Variants in FRK observed in about 807,000 individuals in gnomAD.
FRK encodes tyrosine-protein kinase FRK.
In FRK, 51 loss-of-function variants were observed where a neutral mutation model predicts 56.4. The observed-to-expected ratio is 0.90, with a 90% confidence interval of 0.72 to 1.14. The LOEUF (loss-of-function observed/expected upper bound fraction) is 1.14. FRK is among the 50% of genes most tolerant of loss of function. The pLI is 0.00. For synonymous variants in FRK, 245 were observed against 217.9 expected (o/e 1.12, Z -1.10); for missense variants, 570 against 601.4 (o/e 0.95, Z 0.55).
chr6:115,972,526 T>G (rs1328362955), intron 2 of FRK, among the ~76,000 whole-genome samples: 3 of 152,168 alleles, frequency 2.0e-5, no homozygotes, highest in Admixed American at 6.5e-5. Flanking sequence ...AACAGCTTTC[T>G]TCAAAAGCAA....
intron 1 of FRK, among the ~76,000 whole-genome samples, chr6:116,028,331 T>G (rs1312350808): frequency 4.6e-5 from 7 of 152,210 alleles, no homozygotes; most frequent in Admixed American, 4.6e-4. Flanking sequence ...AGTCTTTTGA[T>G]TATTTAAAAA....
the FRK span, among the ~76,000 whole-genome samples, chr6:116,074,120 A>G: frequency 2.0e-5 from 3 of 152,264 alleles, no homozygotes; most frequent in African/African-American, 7.2e-5. Context: ...CTTCAAATCC[A>G]CAATTCAATG....
intron 1 of FRK, among the ~76,000 whole-genome samples, chr6:116,028,210 A>AT (rs1333113961): frequency 2.0e-5 from 3 of 152,102 alleles, no homozygotes; most frequent in Non-Finnish European, 4.4e-5. Context: ...TACCATCAGT[A>AT]TTTTTTCTGA....
Position 115,969,460 on chromosome 6 carries a change from T to C in FRK, c.467-721A>G, listed in dbSNP as rs937646689. On this transcript the variant is annotated intron_variant, in intron 2 of 7. Coordinates refer to ENST00000606080, the MANE Select transcript of FRK (RefSeq NM_002031.3). ...AGTCTGGCTTGCAGTGGCTATTTTG[T>C]TACTGTTGCCGCCCACCTACCATTG... Among the ~76,000 whole-genome samples, 41 of 152,270 alleles carry C rather than the reference T, an allele frequency of 2.7e-4. 1 individual carries two copies. The highest frequency in any genetic ancestry group is 9.9e-4 in the African/African-American group (41 of 41,570).
rs1290912330 is a variant in FRK at position 115,934,364 on chromosome 6, C to T, written c.*8050G>A. ...TTTTGGTCCATGGCTGGGCATAGGACCCAAGTTTGCTGGAACACAAAAATG... is the reference window on the plus strand; with the variant it reads ...TTTTGGTCCATGGCTGGGCATAGGATCCAAGTTTGCTGGAACACAAAAATG... On this transcript the variant is annotated 3_prime_UTR_variant, in exon 8 of 8. Transcript: ENST00000606080. 1 of 152,150 alleles carries T rather than the reference C, an allele frequency of 6.6e-6. No individual in the cohort carries two copies. Among genetic ancestry groups the T allele is most frequent in the African/African-American group, 2.4e-5 (1 of 41,432 alleles). The allele number at this position is 152,150 out of a possible 1,614,324, so 9.4% of individuals were successfully genotyped here. A position where few individuals can be genotyped will look rare whatever the true frequency, so the allele number is the denominator to read the frequency against.
chr6:116,095,737 G>T, the FRK span, among the ~76,000 whole-genome samples: 2 of 152,162 alleles, frequency 1.3e-5, no homozygotes, highest in Admixed American at 6.5e-5. Flanking sequence ...ATCCAGTAAG[G>T]ATAGTAACTA....
In FRK at chr6:115,938,087, C is replaced by T. The variant is rs374389729; in HGVS notation, c.*4327G>A. The T allele has an allele frequency of 1.3e-5, 2 of 152,130 alleles. No individual in the cohort carries two copies. The highest frequency in any genetic ancestry group is 6.6e-5 in the Admixed American group (1 of 15,264). The allele number at this position is 152,130 out of a possible 1,614,324, so 9.4% of individuals were successfully genotyped here. On this transcript the variant is annotated 3_prime_UTR_variant, in exon 8 of 8. Transcript: ENST00000606080. The stretch of plus-strand genomic sequence containing the variant: ...ATCACATAATTGGAAGTAAAACACT[C>T]CTCAGCAAATGCAAAAGAACGGAAG...
In FRK at chr6:116,005,997, C is replaced by G. The variant is rs376296023; in HGVS notation, c.345-1999G>C. Among the ~76,000 whole-genome samples the G allele has an allele frequency of 3.3e-5, 5 of 152,074 alleles. No homozygotes were observed. In the South Asian group the frequency reaches 1.0e-3, roughly 32 times the overall value. ...AGACAAAAACAAAAAGACATACAAA[C>G]CTTAGGGAAAAGATTGATAATATTT... On this transcript the variant is annotated intron_variant, in intron 1 of 7. Transcript: ENST00000606080.
At chr6:115,983,250 T>G (rs1582677941) in intron 2 of FRK, among the ~76,000 whole-genome samples, 1 of 152,186 alleles carries the variant, frequency 6.6e-6, no homozygotes, top group East Asian at 1.9e-4. Flanking sequence ...AGAGCAAATA[T>G]CTATGAGTGC....
In FRK at chr6:115,938,310, G is replaced by A. The variant is rs1582622411; in HGVS notation, c.*4104C>T. The A allele has an allele frequency of 6.6e-6, 1 of 152,214 alleles. No individual in the cohort carries two copies. The highest frequency in any genetic ancestry group is 1.9e-4 in the East Asian group (1 of 5,184). The allele number at this position is 152,214 out of a possible 1,614,324, so 9.4% of individuals were successfully genotyped here. A position where few individuals can be genotyped will look rare whatever the true frequency, so the allele number is the denominator to read the frequency against. On this transcript the variant is annotated 3_prime_UTR_variant, in exon 8 of 8. Transcript: ENST00000606080. The stretch of plus-strand genomic sequence containing the variant: ...AAAACACAACATACCAGAATCTCTG[G>A]GACACATTTAAAGCAGTGTGTAGAG...
intron 5 of FRK, among the ~76,000 whole-genome samples, chr6:115,952,948 G>A (rs1217880015): frequency 2.0e-5 from 3 of 149,304 alleles, no homozygotes; most frequent in African/African-American, 4.9e-5. Flanking sequence ...GGGAGGGATA[G>A]CATTGGGAGA....
chr6:115,995,564 T>C (rs1774804628), intron 2 of FRK, among the ~76,000 whole-genome samples: 1 of 151,676 alleles, frequency 6.6e-6, no homozygotes, highest in South Asian at 2.1e-4. Flanking sequence ...AAAAGAAAAT[T>C]AAGACAAGTC....
chr6:116,068,100 T>C, the FRK span, among the ~76,000 whole-genome samples: 1 of 152,156 alleles, frequency 6.6e-6, no homozygotes, highest in Non-Finnish European at 1.5e-5. Flanking sequence ...GACCAAACAC[T>C]AGCCTGACAC....
In FRK at chr6:116,060,102, T is replaced by C; in HGVS notation, c.210A>G (p.Gln70=). 1 of 1,614,172 alleles carries C rather than the reference T, an allele frequency of 6.2e-7. No homozygotes were observed. The highest frequency in any genetic ancestry group is 8.5e-7 in the Non-Finnish European group (1 of 1,180,028). The change falls in exon 1 of 8, where the codon CAA becomes CAG. Residue 70 remains glutamine, a synonymous_variant. Coordinates refer to ENST00000606080, the MANE Select transcript of FRK (RefSeq NM_002031.3). ...DLSFRAGDKL[Q]VLDTLHEGWW... is the part of the protein sequence containing the mutation. ...AGCCCTCATGCAAAGTGTCCAGAAC[T>C]TGAAGTTTGTCACCTGCTCGGAAGC...
upstream of FRK, among the ~76,000 whole-genome samples, chr6:116,062,219 A>C (rs1777651222): frequency 6.6e-6 from 1 of 152,086 alleles, no homozygotes; most frequent in Admixed American, 6.5e-5. Flanking sequence ...TAAAAGCCAA[A>C]AGCTGAGCCA....
chr6:116,053,490 TTGAC>T (rs1379672681), intron 1 of FRK, among the ~76,000 whole-genome samples: 1 of 152,186 alleles, frequency 6.6e-6, no homozygotes, highest in African/African-American at 2.4e-5. Context: ...GGTGAGATTC[TTGAC>T]TTCTATTCAT....
At chr6:115,998,690 G>A (rs1312309517) in intron 2 of FRK, among the ~76,000 whole-genome samples, 3 of 152,186 alleles carry the variant, frequency 2.0e-5, no homozygotes, top group Admixed American at 1.3e-4. Context: ...TGAGTTCAGG[G>A]ACTGTGCCTT....
intron 1 of FRK, among the ~76,000 whole-genome samples, chr6:116,015,980 T>C (rs1285672542): frequency 6.6e-6 from 1 of 152,148 alleles, no homozygotes; most frequent in East Asian, 1.9e-4. Context: ...TGCAGCCTGA[T>C]CATGTGGTAG....
At chr6:116,039,494 G>A in intron 1 of FRK, 1 of 1,491,814 alleles carries the variant, frequency 6.7e-7, no homozygotes, top group Non-Finnish European at 9.3e-7. Flanking sequence ...GCCAAACAAT[G>A]AGCCCCATCC....
Sources: allele counts gnomAD v4.1 joint callset (sites outside exome capture counted in the v4.1 genomes callset), GRCh38; gene constraint gnomAD v4.1.1; transcripts MANE v1.5; gene names NCBI Gene and HGNC (gene_info 2026-07-23, HGNC 2026-07-21).